Variants in EPHA3 observed in about 807,000 individuals in gnomAD.
EPHA3 encodes the protein ephrin type-A receptor 3.
EPHA3 carries 42 observed loss-of-function variants against 107.1 expected under a neutral mutation model. The observed-to-expected ratio is 0.39, with a 90% CI of 0.31 to 0.51. EPHA3 has a LOEUF of 0.51. Among genes scored for constraint, EPHA3 ranks in the 20% least tolerant of loss-of-function variants. The pLI is 0.78. For missense variants in EPHA3, 1,183 were observed against 1,211.2 expected (o/e 0.98, Z 0.35); for synonymous variants, 461 against 424.8 (o/e 1.09, Z -1.05).
At chr3:89,179,839 G>C (rs538760425) in intron 2 of EPHA3, among the ~76,000 whole-genome samples, 1 of 151,614 alleles carries the variant, frequency 6.6e-6, no homozygotes, top group African/African-American at 2.4e-5. Flanking sequence ...TTAGTGCTGC[G>C]GTTTGGTGAA....
intron 3 of EPHA3, among the ~76,000 whole-genome samples, chr3:89,213,086 G>T (rs1576235986): frequency 6.6e-6 from 1 of 151,896 alleles, no homozygotes; most frequent in East Asian, 1.9e-4. Flanking sequence ...TCTGACAGAG[G>T]CGCTAGAGAA....
intron 2 of EPHA3, among the ~76,000 whole-genome samples, chr3:89,130,835 A>C (rs1660681765): frequency 1.3e-5 from 2 of 151,986 alleles, no homozygotes; most frequent in South Asian, 4.1e-4. Flanking sequence ...ACGGGGTTTC[A>C]CCGTGTAAGC....
chr3:89,134,373 G>A (rs1236354201), intron 2 of EPHA3, among the ~76,000 whole-genome samples: 2 of 151,368 alleles, frequency 1.3e-5, no homozygotes, highest in African/African-American at 2.4e-5. Flanking sequence ...CCCACTCCCC[G>A]CATCCCACAA....
rs1032394987 is a variant in EPHA3, at chr3:89,350,156, G to A, written c.1306+8066G>A. On this transcript the variant is annotated intron_variant, in intron 5 of 16. Coordinates refer to ENST00000336596, the MANE Select transcript of EPHA3 (RefSeq NM_005233.6). ...TTCTCTGTATTTCCTGAATGTGAAC[G>A]TTGGCCTGCCTTGCTAGATTGGGGA... Among the ~76,000 whole-genome samples the A allele has an allele frequency of 2.6e-4, 39 of 150,784 alleles. 3 individuals carry two copies. The highest frequency in any genetic ancestry group is 5.0e-4 in the Non-Finnish European group (34 of 67,440).
chr3:89,426,765 T>C (rs965798145), intron 11 of EPHA3, among the ~76,000 whole-genome samples: 10 of 151,892 alleles, frequency 6.6e-5, no homozygotes, highest in African/African-American at 2.2e-4. Flanking sequence ...TGACTGCATT[T>C]GAAGTGTGCA....
chr3:89,207,286 T>C (rs1181501071), intron 2 of EPHA3, among the ~76,000 whole-genome samples: 1 of 152,190 alleles, frequency 6.6e-6, no homozygotes, highest in Non-Finnish European at 1.5e-5. Context: ...AATTAAAATT[T>C]CTGTGTCTTT....
At chr3:89,167,471 T>A (rs1436859051) in intron 2 of EPHA3, among the ~76,000 whole-genome samples, 4 of 151,978 alleles carry the variant, frequency 2.6e-5, no homozygotes, top group Non-Finnish European at 4.4e-5. Context: ...TTCTCTCCCC[T>A]ATGTGGGGAG....
intron 2 of EPHA3, among the ~76,000 whole-genome samples, chr3:89,185,810 G>C (rs1259177672): frequency 6.6e-6 from 1 of 151,996 alleles, no homozygotes; most frequent in Non-Finnish European, 1.5e-5. Context: ...CCAGGGGTGT[G>C]GTCATTTTTA....
intron 5 of EPHA3, among the ~76,000 whole-genome samples, chr3:89,390,018 G>A (rs1708692393): frequency 1.3e-5 from 2 of 151,864 alleles, no homozygotes; most frequent in South Asian, 2.1e-4. Context: ...TTGAGACTGA[G>A]TCTCACTCTG....
intron 3 of EPHA3, among the ~76,000 whole-genome samples, chr3:89,338,417 A>T (rs867807993): frequency 6.6e-6 from 1 of 152,208 alleles, no homozygotes; most frequent in Non-Finnish European, 1.5e-5. Flanking sequence ...ATTGCTCAGC[A>T]TGATTTGTAT....
At chr3:89,112,522 A>G (rs887878788) in intron 1 of EPHA3, among the ~76,000 whole-genome samples, 14 of 151,962 alleles carry the variant, frequency 9.2e-5, no homozygotes, top group African/African-American at 3.4e-4. Flanking sequence ...AGAAATTTAA[A>G]TTTTTTTCGG....
intron 5 of EPHA3, among the ~76,000 whole-genome samples, chr3:89,349,754 C>T (rs1415375669): frequency 6.7e-6 from 1 of 150,232 alleles, no homozygotes; most frequent in African/African-American, 2.4e-5. Flanking sequence ...GCAGCTGGTA[C>T]CAGTTGTTCC....
At chr3:89,163,277 A>C (rs1310643225) in intron 2 of EPHA3, among the ~76,000 whole-genome samples, 1 of 152,168 alleles carries the variant, frequency 6.6e-6, no homozygotes, top group Non-Finnish European at 1.5e-5. Context: ...CATAGTGAGC[A>C]TTTAGCAATG....
chr3:89,158,866 G>GA (rs1704861267), intron 2 of EPHA3, among the ~76,000 whole-genome samples: 1 of 151,910 alleles, frequency 6.6e-6, no homozygotes, highest in African/African-American at 2.4e-5. Flanking sequence ...AAATACATAT[G>GA]AAAAAATACA....
intron 5 of EPHA3, among the ~76,000 whole-genome samples, chr3:89,361,918 G>A (rs1201201041): frequency 1.3e-5 from 2 of 151,060 alleles, no homozygotes; most frequent in Non-Finnish European, 3.0e-5. Flanking sequence ...TGTGGGAAAA[G>A]CAATATTTTT....
Position 89,366,803 on chromosome 3 carries a change from ATTG to A in EPHA3, c.1306+24719_1306+24721del, listed in dbSNP as rs142369955. Among the ~76,000 whole-genome samples, 151 of 150,670 alleles carry A rather than the reference ATTG, an allele frequency of 1.0e-3. 4 individuals carry two copies. The East Asian group carries it at 0.022, about 22-fold the overall frequency. ...AATATAAGCCTAATGAGGGTGGGGA[ATTG>A]TTGTTCACTTTGTTCATTAGTATGT... On this transcript the variant is annotated intron_variant, in intron 5 of 16. Coordinates refer to ENST00000336596, the MANE Select transcript of EPHA3 (RefSeq NM_005233.6).
At chr3:89,256,689 A>G (rs1005725274) in intron 3 of EPHA3, among the ~76,000 whole-genome samples, 2 of 152,242 alleles carry the variant, frequency 1.3e-5, no homozygotes, top group African/African-American at 4.8e-5. Context: ...TTGTCAATGC[A>G]TGAATTTCAA....
chr3:89,205,705 G>T (rs902851965), intron 2 of EPHA3, among the ~76,000 whole-genome samples: 4 of 152,022 alleles, frequency 2.6e-5, no homozygotes, highest in African/African-American at 9.7e-5. Flanking sequence ...AGCTGTTACT[G>T]GTGGATACCA....
intron 3 of EPHA3, among the ~76,000 whole-genome samples, chr3:89,302,009 T>C (rs1559638874): frequency 6.6e-6 from 1 of 152,248 alleles, no homozygotes; most frequent in East Asian, 1.9e-4. Context: ...CTTAGAAAAG[T>C]TATAAATTCT....
Sources: gnomAD v4.1 joint callset for allele counts (sites outside exome capture counted in the v4.1 genomes callset) on GRCh38, gnomAD v4.1.1 for gene constraint, MANE v1.5 for transcripts, NCBI Gene and HGNC (gene_info 2026-07-23, HGNC 2026-07-21) for gene names.